The following DCUN1D1 variants were observed in gnomAD, a reference collection of about 807,000 sequenced individuals.
The protein encoded by DCUN1D1 is DCN1-like protein 1.
Under a neutral mutation model 39.0 loss-of-function variants are expected in DCUN1D1, and 3 were observed. That is an observed-to-expected ratio of 0.08 (90% confidence interval 0.04 to 0.20). DCUN1D1 has a LOEUF of 0.20. Among genes scored for constraint, DCUN1D1 ranks in the 10% least tolerant of loss-of-function variants. The pLI is 1.00. For synonymous variants in DCUN1D1, 82 were observed against 96.3 expected (o/e 0.85, Z 0.87); for missense variants, 158 against 302.4 (o/e 0.52, Z 3.54).
chr3:182,961,954 T>C (rs1727419876), intron 3 of DCUN1D1, among the ~76,000 whole-genome samples: 2 of 152,236 alleles, frequency 1.3e-5, no homozygotes, highest in Admixed American at 1.3e-4. Context: ...AAGCCTTACT[T>C]TCCTCATAGA....
At chr3:182,971,287 G>A (rs1471410173) in intron 1 of DCUN1D1, among the ~76,000 whole-genome samples, 1 of 152,180 alleles carries the variant, frequency 6.6e-6, no homozygotes, top group Admixed American at 6.5e-5. Flanking sequence ...AGATGGACAG[G>A]TGTGGTGGGC....
At chr3:182,947,990 A>G (rs956488729) in intron 4 of DCUN1D1, among the ~76,000 whole-genome samples, 1 of 152,206 alleles carries the variant, frequency 6.6e-6, no homozygotes, top group Non-Finnish European at 1.5e-5. Flanking sequence ...TAGGCCAGAT[A>G]ATTATTTGTT....
chr3:182,947,003 G>A (rs1041039884), intron 6 of DCUN1D1, among the ~76,000 whole-genome samples: 1 of 152,088 alleles, frequency 6.6e-6, no homozygotes, highest in African/African-American at 2.4e-5. Flanking sequence ...TTGGGAGGCT[G>A]AGGCAGGAGG....
intron 4 of DCUN1D1, among the ~76,000 whole-genome samples, chr3:182,956,584 G>C (rs1727078885): frequency 6.6e-6 from 1 of 152,152 alleles, no homozygotes; most frequent in Non-Finnish European, 1.5e-5. Flanking sequence ...GTTGTTATGA[G>C]AACCAAATGG....
At chr3:182,970,846 A>C (rs1560178767) in intron 1 of DCUN1D1, among the ~76,000 whole-genome samples, 1 of 152,182 alleles carries the variant, frequency 6.6e-6, no homozygotes, top group African/African-American at 2.4e-5. Context: ...AATATCCAAA[A>C]TCACTCACTC....
chr3:182,947,101 CA>C (rs199535170), intron 6 of DCUN1D1, 136 bp downstream of exon 6: 35 of 583,764 alleles, frequency 6.0e-5, no homozygotes, highest in South Asian at 1.2e-4. Flanking sequence ...GACTCTATCT[CA>C]AAAAAAACAA....
Position 182,943,394 on chromosome 3 carries a change from T to C in DCUN1D1, c.*1700A>G, listed in dbSNP as rs1726236043. ...CAATTCCAGTAGCCTGAATAGAAAT[T>C]TTCAAATTTTTCTTTTGGTAAAACT... is the stretch of plus-strand genomic sequence containing the variant. On this transcript the variant is annotated 3_prime_UTR_variant, in exon 7 of 7. Coordinates refer to ENST00000292782, the MANE Select transcript of DCUN1D1 (RefSeq NM_020640.4). The C allele has an allele frequency of 6.6e-6, 1 of 152,494 alleles. No individual in the cohort carries two copies. Among genetic ancestry groups the C allele is most frequent in the African/African-American group, 2.4e-5 (1 of 41,430 alleles). The allele number at this position is 152,494 out of a possible 1,614,324, so 9.4% of individuals were successfully genotyped here. A position where few individuals can be genotyped will look rare whatever the true frequency, so the allele number is the denominator to read the frequency against.
At chr3:182,960,361 T>G (rs560333830) in intron 4 of DCUN1D1, among the ~76,000 whole-genome samples, 1 of 152,314 alleles carries the variant, frequency 6.6e-6, no homozygotes, top group East Asian at 1.9e-4. Flanking sequence ...CTCACCAATT[T>G]CATCTCCAAA....
chr3:182,960,180 G>A (rs954192898), intron 4 of DCUN1D1, among the ~76,000 whole-genome samples: 23 of 151,940 alleles, frequency 1.5e-4, no homozygotes, highest in African/African-American at 5.6e-4. Context: ...CACAGTGCCA[G>A]ACATACTAAA....
intron 1 of DCUN1D1, among the ~76,000 whole-genome samples, chr3:182,968,733 G>T (rs949486042): frequency 2.0e-5 from 3 of 151,956 alleles, no homozygotes; most frequent in Non-Finnish European, 2.9e-5. Context: ...CCGAGTAGCT[G>T]GGATTACAGG....
intron 5 of DCUN1D1, 28 bp from the exon 6 acceptor site, chr3:182,947,362 T>C (rs768474677): frequency 1.4e-6 from 2 of 1,452,964 alleles, no homozygotes; most frequent in Non-Finnish European, 1.9e-6. Context: ...ACAAAATACA[T>C]TTGTATCACT....
intron 4 of DCUN1D1, among the ~76,000 whole-genome samples, chr3:182,952,519 A>G (rs1726806772): frequency 6.6e-6 from 1 of 152,286 alleles, no homozygotes; most frequent in South Asian, 2.1e-4. Flanking sequence ...TCAACTCAGG[A>G]GGGCTCAAAC....
chr3:182,984,942 A>G, upstream of DCUN1D1, among the ~76,000 whole-genome samples: 1 of 152,220 alleles, frequency 6.6e-6, no homozygotes, highest in East Asian at 1.9e-4. Context: ...ATACACAGCC[A>G]CCACCCTCCC....
In DCUN1D1 at chr3:182,938,359, G is replaced by GAAAAAAAAAA. The variant is rs545038248; in HGVS notation, c.*6725_*6734dup. ...CTTATTTGAATCCTGACTTGAATTG[G>GAAAAAAAAAA]AAAAAAAAAAAAAAAGGCACAACTT... On this transcript the variant is annotated 3_prime_UTR_variant, in exon 7 of 7. Transcript: ENST00000292782. The GAAAAAAAAAA allele has an allele frequency of 8.2e-6, 1 of 122,372 alleles. No homozygotes were observed. Among genetic ancestry groups the GAAAAAAAAAA allele is most frequent in the Non-Finnish European group, 1.8e-5 (1 of 57,082 alleles). 7.6% of individuals were successfully genotyped at this position (122,372 alleles called of 1,614,324 possible). A position where few individuals can be genotyped will look rare whatever the true frequency, so the allele number is the denominator to read the frequency against.
intron 1 of DCUN1D1, among the ~76,000 whole-genome samples, chr3:182,973,678 G>A (rs1044643939): frequency 2.7e-5 from 4 of 150,834 alleles, no homozygotes; most frequent in African/African-American, 9.8e-5. Context: ...ATGGTGGCGT[G>A]CGCCTGTAAC....
chr3:182,965,199 T>A (rs1324964695), intron 2 of DCUN1D1, among the ~76,000 whole-genome samples: 1 of 152,216 alleles, frequency 6.6e-6, no homozygotes, highest in South Asian at 2.1e-4. Flanking sequence ...TGAACTTTTT[T>A]AAAAGTATGC....
At chr3:182,979,840 A>C (rs920960445) in intron 1 of DCUN1D1, among the ~76,000 whole-genome samples, 1 of 152,002 alleles carries the variant, frequency 6.6e-6, no homozygotes, top group Non-Finnish European at 1.5e-5. Context: ...AGAGGTAAAT[A>C]TAACCTCCAC....
At position 182,942,059 on chromosome 3, in the gene DCUN1D1, T is replaced by C. The variant is rs1467674278; in HGVS notation, c.*3035A>G. 1.3e-5 allele frequency: 2 copies of C among 152,142 alleles called. No homozygotes were observed. The highest frequency in any genetic ancestry group is 1.9e-4 in the East Asian group (1 of 5,202). 9.4% of individuals were successfully genotyped at this position (152,142 alleles called of 1,614,324 possible). ...TTAAATAAGAATTCCCCAGTAAAGA[T>C]ATTACGTAAAGGATTTCTCATGTTA... On this transcript the variant is annotated 3_prime_UTR_variant, in exon 7 of 7. Transcript: ENST00000292782.
chr3:182,952,561 T>G (rs1047940372), intron 4 of DCUN1D1, among the ~76,000 whole-genome samples: 1 of 152,116 alleles, frequency 6.6e-6, no homozygotes, highest in Non-Finnish European at 1.5e-5. Context: ...AGACCTGCTC[T>G]TCCTTCTATG....
Sources: allele counts gnomAD v4.1 joint callset (sites outside exome capture counted in the v4.1 genomes callset), GRCh38; gene constraint gnomAD v4.1.1; transcripts MANE v1.5; gene names NCBI Gene and HGNC (gene_info 2026-07-23, HGNC 2026-07-21).